The following NAV2 variants were observed in gnomAD, a reference collection of about 807,000 sequenced individuals.
NAV2 encodes neuron navigator 2, also known as helicase, APC down-regulated 1.
Under a neutral mutation model 223.2 loss-of-function variants are expected in NAV2, and 54 were observed. The ratio of observed to expected loss-of-function variants is 0.24; its 90% CI spans 0.19 to 0.30. NAV2 has a LOEUF of 0.30. NAV2 is among the 10% of genes least tolerant of loss of function. The pLI, the probability that NAV2 is intolerant of heterozygous loss-of-function variation, is 1.00. For missense variants in NAV2, 2,806 were observed against 3,147.5 expected (o/e 0.89, Z 2.60); for synonymous variants, 1,279 against 1,239.3 (o/e 1.03, Z -0.67).
chr11:20,012,200 T>C (rs1436107405), intron 11 of NAV2, among the ~76,000 whole-genome samples: 1 of 152,260 alleles, frequency 6.6e-6, no homozygotes, highest in African/African-American at 2.4e-5. Flanking sequence ...AGCATCAGTT[T>C]ACATTGTGCT....
At chr11:19,373,914 A>G (rs1396831880) in intron 1 of NAV2, among the ~76,000 whole-genome samples, 1 of 152,154 alleles carries the variant, frequency 6.6e-6, no homozygotes, top group Admixed American at 6.6e-5. Context: ...TACACCCCAT[A>G]TCACCTGCTT....
rs970947740 is a variant in NAV2 at position 19,880,104 on chromosome 11, A to G, written c.747A>G (p.Lys249=). 15 of 1,601,936 alleles carry G rather than the reference A, an allele frequency of 9.4e-6. No homozygotes were observed. Among genetic ancestry groups the G allele is most frequent in the Non-Finnish European group, 1.3e-5 (15 of 1,172,774 alleles). Residue 249 remains lysine, a synonymous_variant, in exon 5 of 38, where the codon AAA becomes AAG. Coordinates refer to ENST00000349880, the MANE Select transcript of NAV2 (RefSeq NM_145117.5). ...AGCCAGCGCCACATCAGCAGTCAAA[A>G]GCACAAGCTGAAATGCAGTCCAGGT... ...PHQPAPHQQS[K]AQAEMQSRLP...
intron 5 of NAV2, among the ~76,000 whole-genome samples, chr11:19,880,754 TACTC>T (rs1409624224): frequency 6.6e-6 from 1 of 152,140 alleles, no homozygotes; most frequent in Non-Finnish European, 1.5e-5. Context: ...TTGCCAGTCA[TACTC>T]ACCAGGTACA....
chr11:19,650,682 C>A (rs529309222), intron 1 of NAV2, among the ~76,000 whole-genome samples: 17 of 152,240 alleles, frequency 1.1e-4, no homozygotes, highest in African/African-American at 4.1e-4. Flanking sequence ...AAATATCCAA[C>A]GACAAGTAAA....
intron 1 of NAV2, among the ~76,000 whole-genome samples, chr11:19,696,200 C>G (rs1164644730): frequency 6.6e-6 from 1 of 152,192 alleles, no homozygotes; most frequent in African/African-American, 2.4e-5. Context: ...TGGCTTGCCA[C>G]CAACGCCATT....
chr11:19,665,638 A>G (rs996649906), intron 1 of NAV2, among the ~76,000 whole-genome samples: 7 of 152,214 alleles, frequency 4.6e-5, no homozygotes, highest in Admixed American at 4.6e-4. Flanking sequence ...TACTATTATT[A>G]TACCTTGATT....
rs750993195 is a variant in NAV2, at chr11:19,934,293, C to T, written c.2033+16C>T. On this transcript the variant is annotated intron_variant, in intron 7 of 37. Transcript: ENST00000349880. The stretch of plus-strand genomic sequence containing the variant: ...TCCTGTACAGGTAGGAGCTGCCACC[C>T]ACCTGTGCTGCCTGGGACATTGGGT... The T allele has an allele frequency of 1.9e-6, 3 of 1,554,486 alleles. No homozygotes were observed. The highest frequency in any genetic ancestry group is 1.7e-6 in the Non-Finnish European group (2 of 1,148,446).
At chr11:19,431,626 G>T (rs569925196) in intron 1 of NAV2, among the ~76,000 whole-genome samples, 2 of 152,260 alleles carry the variant, frequency 1.3e-5, no homozygotes, top group South Asian at 4.1e-4. Context: ...TTCTGATAGG[G>T]CTGTAAGGAA....
intron 1 of NAV2, among the ~76,000 whole-genome samples, chr11:19,736,119 T>A (rs2052271538): frequency 6.6e-6 from 1 of 152,158 alleles, no homozygotes; most frequent in African/African-American, 2.4e-5. Context: ...TGTCCATTTA[T>A]AGTATGCAGC....
chr11:19,749,560 A>C (rs2152493274), intron 1 of NAV2, among the ~76,000 whole-genome samples: 1 of 152,334 alleles, frequency 6.6e-6, no homozygotes, highest in East Asian at 1.9e-4. Context: ...CGTCTGAATT[A>C]AGCTCCTTAT....
intron 1 of NAV2, among the ~76,000 whole-genome samples, chr11:19,610,634 A>G (rs1359503000): frequency 1.3e-5 from 2 of 152,244 alleles, no homozygotes; most frequent in East Asian, 1.9e-4. Context: ...CTAGAGGTCA[A>G]TCAGCTTCAG....
At chr11:19,848,772 G>A (rs1006725343) in intron 3 of NAV2, among the ~76,000 whole-genome samples, 11 of 152,264 alleles carry the variant, frequency 7.2e-5, no homozygotes, top group Middle Eastern at 3.4e-3. Context: ...GACATGCCTC[G>A]GGAACAGCCA....
chr11:19,873,735 T>C (rs1435016188), intron 4 of NAV2, among the ~76,000 whole-genome samples: 1 of 152,166 alleles, frequency 6.6e-6, no homozygotes, highest in Non-Finnish European at 1.5e-5. Context: ...TGGCATTGAC[T>C]GAGACCTTCA....
At chr11:19,436,684 A>T (rs537804019) in intron 1 of NAV2, among the ~76,000 whole-genome samples, 1 of 152,262 alleles carries the variant, frequency 6.6e-6, no homozygotes, top group South Asian at 2.1e-4. Flanking sequence ...TGGACATTTT[A>T]ACAATACTAA....
chr11:19,680,227 C>G (rs1204270328), intron 1 of NAV2, among the ~76,000 whole-genome samples: 1 of 152,156 alleles, frequency 6.6e-6, no homozygotes, highest in Non-Finnish European at 1.5e-5. Context: ...TCCCCCACCC[C>G]CCTCTTTAGA....
intron 1 of NAV2, among the ~76,000 whole-genome samples, chr11:19,743,747 A>G (rs945867200): frequency 4.6e-5 from 7 of 152,262 alleles, no homozygotes; most frequent in African/African-American, 1.7e-4. Context: ...GATGATAGAC[A>G]AAGAGCCTAG....
At chr11:19,755,429 T>C (rs920390132) in intron 1 of NAV2, among the ~76,000 whole-genome samples, 1 of 152,210 alleles carries the variant, frequency 6.6e-6, no homozygotes, top group Non-Finnish European at 1.5e-5. Context: ...CCTGTATTTG[T>C]TTCCTATGGC....
At chr11:19,741,423 C>T (rs1565235992) in intron 1 of NAV2, among the ~76,000 whole-genome samples, 3 of 151,300 alleles carry the variant, frequency 2.0e-5, no homozygotes, top group South Asian at 2.1e-4. Flanking sequence ...TTCTTTCCCC[C>T]ACTTCCCTCC....
At chr11:19,935,859 T>TTTTTG (rs1565594594) in intron 7 of NAV2, among the ~76,000 whole-genome samples, 1 of 104,040 alleles carries the variant, frequency 9.6e-6, no homozygotes, top group Non-Finnish European at 2.1e-5. Flanking sequence ...CTGTTTTTTT[T>TTTTTG]TTTTTTTTTT....
Sources: allele counts gnomAD v4.1 joint callset (sites outside exome capture counted in the v4.1 genomes callset), GRCh38; gene constraint gnomAD v4.1.1; transcripts MANE v1.5; gene names NCBI Gene and HGNC (gene_info 2026-07-23, HGNC 2026-07-21).